The following VSX2 variants were observed in gnomAD, a reference collection of about 807,000 sequenced individuals.
The protein encoded by VSX2 is visual system homeobox 2.
In VSX2, 28 loss-of-function variants were observed where a neutral mutation model predicts 32.1. That is an observed-to-expected ratio of 0.87 (90% CI 0.65 to 1.20). The LOEUF is 1.20. Among genes scored for constraint, VSX2 ranks in the 50% most tolerant of loss-of-function variants. The probability of loss-of-function intolerance (pLI) is 0.00; values close to 1 mark genes in which losing one functional copy is unlikely to be tolerated. For missense variants in VSX2, 506 were observed against 488.7 expected, an observed-to-expected ratio of 1.04 and a Z score of -0.33; for synonymous variants, 243 against 214.1, an observed-to-expected ratio of 1.14 and a Z score of -1.18.
intron 2 of VSX2, among the ~76,000 whole-genome samples, chr14:74,241,491 G>T (rs113305663): frequency 6.6e-6 from 1 of 152,250 alleles, no homozygotes; most frequent in Non-Finnish European, 1.5e-5. Flanking sequence ...CCCGGTTCGG[G>T]CTTTCTCCTC....
intron 3 of VSX2, among the ~76,000 whole-genome samples, chr14:74,254,340 G>T (rs1198683147): frequency 6.6e-6 from 1 of 152,226 alleles, no homozygotes; most frequent in South Asian, 2.1e-4. Flanking sequence ...GAACCCAGGA[G>T]GTGGAGGTCG....
intron 3 of VSX2, among the ~76,000 whole-genome samples, chr14:74,250,136 C>T: frequency 6.6e-6 from 1 of 152,050 alleles, no homozygotes; most frequent in African/African-American, 2.4e-5. Flanking sequence ...ACTTGGGAGG[C>T]TGAGGTGGGA....
intron 2 of VSX2, among the ~76,000 whole-genome samples, chr14:74,244,929 T>TGAGAGAGAGAGA (rs554735119): frequency 2.6e-5 from 1 of 38,912 alleles, no homozygotes; most frequent in African/African-American, 7.3e-5. Flanking sequence ...TGTGTGTGTG[T>TGAGAGAGAGAGA]GAAAGAGAGA....
At position 74,261,142 on chromosome 14, in the gene VSX2, CCT is replaced by C. The variant is rs1235062099; in HGVS notation, c.*225_*226del. ...AGTCTTGACCTCTCCAGCATCCCAG[CCT>C]CAGAAGCCTTCTTGCTGCCCACAAC... On this transcript the variant is annotated 3_prime_UTR_variant, in exon 5 of 5. Transcript: ENST00000261980. 1.2e-5 allele frequency: 7 copies of C among 579,758 alleles called. No homozygotes were observed. Among genetic ancestry groups the C allele is most frequent in the African/African-American group, 3.7e-5 (2 of 53,674 alleles). The allele number at this position is 579,758 out of a possible 1,614,324, so 35.9% of individuals were successfully genotyped here. A position where few individuals can be genotyped will look rare whatever the true frequency, so the allele number is the denominator to read the frequency against.
intron 1 of VSX2, 59 bp from the exon 2 acceptor site, chr14:74,241,123 T>G: frequency 6.3e-7 from 1 of 1,575,144 alleles, no homozygotes; most frequent in Admixed American, 1.7e-5. Context: ...CCTCGCGGGT[T>G]TCGGGCACAG....
In VSX2 at chr14:74,260,666, C is replaced by T. The variant is rs1232338544; in HGVS notation, c.833C>T (p.Pro278Leu). Residue 278 changes from proline (P) to leucine (L), a missense_variant, in exon 5 of 5, where the codon CCC becomes CTC. Physicochemically the swap from Pro to Leu is moderately conservative, Grantham distance 98. Coordinates refer to ENST00000261980, the MANE Select transcript of VSX2 (RefSeq NM_182894.3). ...CCCGAGGGGGAACGCCAGGCCCTGC[C>T]CAAGCTCGACAAGATGGAGCAGGAC... is the stretch of plus-strand genomic sequence containing the variant. ...RKPEGERQAL[P>L]KLDKMEQDER... The T allele has an allele frequency of 1.2e-6, 2 of 1,601,132 alleles. No individual in the cohort carries two copies. Among genetic ancestry groups the T allele is most frequent in the Admixed American group, 3.4e-5 (2 of 58,012 alleles).
chr14:74,249,071 C>CACACCT (rs2079213643), intron 3 of VSX2, among the ~76,000 whole-genome samples: 2 of 152,206 alleles, frequency 1.3e-5, no homozygotes, highest in Non-Finnish European at 2.9e-5. Flanking sequence ...GCGATGTAGA[C>CACACCT]GCGGAAAGGC....
intron 3 of VSX2, among the ~76,000 whole-genome samples, chr14:74,252,879 T>C (rs1247197547): frequency 6.6e-6 from 1 of 151,156 alleles, no homozygotes; most frequent in Non-Finnish European, 1.5e-5. Flanking sequence ...TGACACCCTG[T>C]CTCTACTAAA....
intron 3 of VSX2, among the ~76,000 whole-genome samples, chr14:74,246,746 C>T (rs538593729): frequency 1.3e-5 from 2 of 152,258 alleles, no homozygotes; most frequent in East Asian, 1.9e-4. Context: ...TGTTGGCAGG[C>T]CCCACATTTG....
At chr14:74,251,307 G>C (rs2079227650) in intron 3 of VSX2, among the ~76,000 whole-genome samples, 1 of 152,060 alleles carries the variant, frequency 6.6e-6, no homozygotes, top group East Asian at 1.9e-4. Flanking sequence ...AAAATTAGCC[G>C]GGCATGATGG....
intron 3 of VSX2, among the ~76,000 whole-genome samples, chr14:74,248,180 C>G (rs1333603077): frequency 6.6e-6 from 1 of 151,966 alleles, no homozygotes; most frequent in African/African-American, 2.4e-5. Flanking sequence ...TCAGAGGACT[C>G]TGCAGGTGAG....
chr14:74,258,150 G>C (rs2079279400), intron 3 of VSX2, among the ~76,000 whole-genome samples: 1 of 152,170 alleles, frequency 6.6e-6, no homozygotes. Context: ...GGGAAGCGGG[G>C]GCGCTCGCGA....
chr14:74,250,603 T>A (rs2079222121), intron 3 of VSX2, among the ~76,000 whole-genome samples: 1 of 152,006 alleles, frequency 6.6e-6, no homozygotes, highest in Non-Finnish European at 1.5e-5. Flanking sequence ...GGGAACAAAG[T>A]ATTAGTGGGT....
chr14:74,250,927 G>A (rs1248336818), intron 3 of VSX2, among the ~76,000 whole-genome samples: 2 of 151,486 alleles, frequency 1.3e-5, no homozygotes, highest in African/African-American at 4.9e-5. Flanking sequence ...GATTACAGGC[G>A]TGAGCCACCG....
chr14:74,253,668 C>T (rs775502338), intron 3 of VSX2, among the ~76,000 whole-genome samples: 5 of 152,292 alleles, frequency 3.3e-5, no homozygotes, highest in Non-Finnish European at 7.4e-5. Context: ...TGGTGGCTCA[C>T]GCCTGTAATC....
chr14:74,253,438 G>A (rs545904035), intron 3 of VSX2, among the ~76,000 whole-genome samples: 1 of 152,198 alleles, frequency 6.6e-6, no homozygotes, highest in Non-Finnish European at 1.5e-5. Context: ...AGGGTTTTAC[G>A]TGAAAGGTAT....
intron 2 of VSX2, 118 bp downstream of exon 2, chr14:74,241,384 G>A: frequency 3.6e-6 from 4 of 1,126,186 alleles, no homozygotes; most frequent in South Asian, 2.6e-5. Flanking sequence ...GTCCGAGGCC[G>A]TGCCAGGGCG....
In VSX2 at chr14:74,239,651, T is replaced by A. The variant is rs558979474; in HGVS notation, c.90T>A (p.Thr30=). The A allele has an allele frequency of 6.4e-7, 1 of 1,550,458 alleles. No homozygotes were observed. The highest frequency in any genetic ancestry group is 2.4e-5 in the East Asian group (1 of 40,870). The stretch of plus-strand genomic sequence containing the variant: ...CGGGGGGCGCCCCGGCCAGGTGCAC[T>A]GGGTTCGGCATCCAGGAGATCCTGG... ...STSGGAPARC[T]GFGIQEILGL... The change falls in exon 1 of 5, where the codon ACT becomes ACA. Residue 30 remains threonine (T), a synonymous_variant. Transcript: ENST00000261980.
At chr14:74,257,433 C>G (rs2079271315) in intron 3 of VSX2, among the ~76,000 whole-genome samples, 1 of 152,266 alleles carries the variant, frequency 6.6e-6, no homozygotes, top group Non-Finnish European at 1.5e-5. Context: ...ATGGAGCCAC[C>G]CGGGGCGGGA....
Sources: allele counts gnomAD v4.1 joint callset (sites outside exome capture counted in the v4.1 genomes callset), GRCh38; gene constraint gnomAD v4.1.1; transcripts MANE v1.5; gene names NCBI Gene and HGNC (gene_info 2026-07-23, HGNC 2026-07-21).